NOS1AP: variants seen among roughly 807,000 people sequenced by gnomAD.
NOS1AP encodes the protein nitric oxide synthase 1 adaptor protein, also known as carboxyl-terminal PDZ ligand of neuronal nitric oxide synthase protein.
In NOS1AP, 21 loss-of-function variants were observed where a neutral mutation model predicts 56.2. The ratio of observed to expected loss-of-function variants is 0.37; its 90% confidence interval spans 0.26 to 0.54. The LOEUF is 0.54. NOS1AP is among the 20% of genes least tolerant of loss of function. The pLI, the probability that NOS1AP is intolerant of heterozygous loss-of-function variation, is 0.84. For synonymous variants in NOS1AP, 270 were observed against 274.6 expected (o/e 0.98, Z 0.17); for missense variants, 522 against 657.8 (o/e 0.79, Z 2.26).
chr1:162,353,190 T>C (rs1275252206), intron 6 of NOS1AP, among the ~76,000 whole-genome samples: 4 of 152,178 alleles, frequency 2.6e-5, no homozygotes, highest in African/African-American at 9.7e-5. Context: ...GCTGGATCTA[T>C]CCTCCATACT....
At chr1:162,164,778 TC>T (rs987178560) in intron 2 of NOS1AP, among the ~76,000 whole-genome samples, 2 of 152,174 alleles carry the variant, frequency 1.3e-5, no homozygotes, top group African/African-American at 4.8e-5. Context: ...GTGGCAAGTT[TC>T]CTCTTGGAGC....
At chr1:162,211,584 C>T (rs1273583282) in intron 2 of NOS1AP, among the ~76,000 whole-genome samples, 1 of 152,118 alleles carries the variant, frequency 6.6e-6, no homozygotes, top group Non-Finnish European at 1.5e-5. Flanking sequence ...CTTTTTTCAA[C>T]TTCAGAAGCA....
chr1:162,284,820 G>A (rs1655042734), intron 2 of NOS1AP, among the ~76,000 whole-genome samples: 1 of 152,174 alleles, frequency 6.6e-6, no homozygotes, highest in Non-Finnish European at 1.5e-5. Flanking sequence ...GCTCGGGTAA[G>A]AAATCATGAT....
intron 2 of NOS1AP, among the ~76,000 whole-genome samples, chr1:162,209,252 G>A (rs1392991746): frequency 2.0e-5 from 3 of 152,196 alleles, no homozygotes; most frequent in Non-Finnish European, 4.4e-5. Context: ...GGGCACCAGT[G>A]TAGGGCCCAA....
At chr1:162,134,867 C>T (rs996119470) in intron 1 of NOS1AP, among the ~76,000 whole-genome samples, 1 of 152,136 alleles carries the variant, frequency 6.6e-6, no homozygotes, top group Non-Finnish European at 1.5e-5. Context: ...AATGCAAGGC[C>T]TTCATGACCT....
At chr1:162,202,591 G>A (rs1159411696) in intron 2 of NOS1AP, among the ~76,000 whole-genome samples, 4 of 152,148 alleles carry the variant, frequency 2.6e-5, no homozygotes, top group Non-Finnish European at 4.4e-5. Flanking sequence ...TTATGTCATA[G>A]TTTGTGTTTT....
chr1:162,304,700 T>C (rs1655763707), intron 4 of NOS1AP, among the ~76,000 whole-genome samples: 1 of 152,124 alleles, frequency 6.6e-6, no homozygotes, highest in Non-Finnish European at 1.5e-5. Context: ...CTTTAGTCCC[T>C]GTGTTTTCGG....
chr1:162,202,023 AT>A (rs2102167535), intron 2 of NOS1AP, among the ~76,000 whole-genome samples: 1 of 152,258 alleles, frequency 6.6e-6, no homozygotes, highest in South Asian at 2.1e-4. Context: ...GGAGAAACGG[AT>A]TTTAATCTGG....
chr1:162,133,339 C>T (rs1296402727), intron 1 of NOS1AP, among the ~76,000 whole-genome samples: 1 of 152,172 alleles, frequency 6.6e-6, no homozygotes, highest in Non-Finnish European at 1.5e-5. Context: ...CTTTATCTGT[C>T]TTATCTATTG....
intron 5 of NOS1AP, among the ~76,000 whole-genome samples, chr1:162,335,616 C>G (rs1446599012): frequency 6.6e-6 from 1 of 152,080 alleles, no homozygotes; most frequent in Admixed American, 6.5e-5. Context: ...AGAGATGTTG[C>G]TGGGTTGTTG....
intron 2 of NOS1AP, among the ~76,000 whole-genome samples, chr1:162,180,261 T>C (rs555723603): frequency 6.6e-6 from 1 of 152,262 alleles, no homozygotes; most frequent in African/African-American, 2.4e-5. Context: ...TATTTATTTT[T>C]TGAGACAGAG....
chr1:162,289,466 T>G (rs866265328), intron 3 of NOS1AP, among the ~76,000 whole-genome samples: 1 of 49,612 alleles, frequency 2.0e-5, no homozygotes, highest in South Asian at 9.9e-4. Context: ...CCCAGCTACT[T>G]TTCTTTTTTT....
intron 6 of NOS1AP, among the ~76,000 whole-genome samples, chr1:162,344,994 A>G (rs1485446110): frequency 1.3e-5 from 2 of 152,232 alleles, no homozygotes; most frequent in Non-Finnish European, 2.9e-5. Flanking sequence ...AAAGATACTT[A>G]TGAATAATCA....
intron 2 of NOS1AP, among the ~76,000 whole-genome samples, chr1:162,286,492 G>A (rs1420385104): frequency 6.6e-6 from 1 of 152,212 alleles, no homozygotes; most frequent in African/African-American, 2.4e-5. Flanking sequence ...TGCTCAAAAT[G>A]AAGTTCACTG....
intron 1 of NOS1AP, among the ~76,000 whole-genome samples, chr1:162,139,678 C>A (rs1440331121): frequency 6.6e-6 from 1 of 152,176 alleles, no homozygotes; most frequent in East Asian, 1.9e-4. Context: ...AATCTTTCGC[C>A]ACAAAACAAT....
intron 2 of NOS1AP, among the ~76,000 whole-genome samples, chr1:162,196,237 G>A (rs975666409): frequency 1.3e-5 from 2 of 152,170 alleles, no homozygotes; most frequent in African/African-American, 2.4e-5. Context: ...GGGTTGGAAG[G>A]CAACATACTT....
At chr1:162,308,631 C>T (rs1244420491) in intron 4 of NOS1AP, among the ~76,000 whole-genome samples, 1 of 152,246 alleles carries the variant, frequency 6.6e-6, no homozygotes, top group African/African-American at 2.4e-5. Flanking sequence ...TTTCATTCTG[C>T]AGTGTTGCCC....
Position 162,367,603 on chromosome 1 carries a change from C to T in NOS1AP, c.*136C>T. Reference sequence around the variant, plus strand: ...CAGGGCCCGGGAGAGTGTGAGGTTTCAGGAAAGTATTGAGATTCTGCTTTG... The same window carrying T: ...CAGGGCCCGGGAGAGTGTGAGGTTTTAGGAAAGTATTGAGATTCTGCTTTG... On this transcript the variant is annotated 3_prime_UTR_variant, in exon 10 of 10. Transcript: ENST00000361897. The surrounding 1 kb of genome is among the most constrained non-coding windows in gnomAD (Gnocchi z 6.5). The T allele has an allele frequency of 9.1e-6, 9 of 990,822 alleles. No homozygotes were observed. The highest frequency in any genetic ancestry group is 1.7e-5 in the South Asian group (1 of 58,786). 61.4% of individuals were successfully genotyped at this position (990,822 alleles called of 1,614,324 possible).
chr1:162,161,606 T>TC (rs371817519), intron 2 of NOS1AP, among the ~76,000 whole-genome samples: 1 of 150,638 alleles, frequency 6.6e-6, no homozygotes, highest in Non-Finnish European at 1.5e-5. Context: ...CTTTTTTTTT[T>TC]CCCTGAGATG....
Sources: allele counts gnomAD v4.1 joint callset (sites outside exome capture counted in the v4.1 genomes callset), GRCh38; gene constraint gnomAD v4.1.1; non-coding constraint Gnocchi (gnomAD v3.1); transcripts MANE v1.5; gene names NCBI Gene and HGNC (gene_info 2026-07-23, HGNC 2026-07-21).